Variants in PIGB observed in about 807,000 individuals in gnomAD.
PIGB encodes the protein phosphatidylinositol glycan anchor biosynthesis class B, also known as GPI alpha-1,2-mannosyltransferase 3.
Under a neutral mutation model 68.4 loss-of-function variants are expected in PIGB, and 58 were observed. The observed-to-expected ratio is 0.85, with a 90% CI of 0.69 to 1.06. PIGB has a LOEUF of 1.06. PIGB is among the 50% of genes least tolerant of loss of function. The pLI is 0.00. For missense variants in PIGB, 634 were observed against 655.8 expected (o/e 0.97, Z 0.36); for synonymous variants, 219 against 220.5 (o/e 0.99, Z 0.06).
chr15:55,339,787 C>T (rs956280158), intron 7 of PIGB, among the ~76,000 whole-genome samples: 2 of 152,124 alleles, frequency 1.3e-5, no homozygotes, highest in African/African-American at 4.8e-5. Flanking sequence ...ATCATATGTT[C>T]TTACTTATAA....
At chr15:55,320,800 G>A (rs980933905) in intron 2 of PIGB, among the ~76,000 whole-genome samples, 1 of 152,034 alleles carries the variant, frequency 6.6e-6, no homozygotes, top group Non-Finnish European at 1.5e-5. Flanking sequence ...GATAAGGGGG[G>A]ACTACTATAC....
At chr15:55,352,286 C>G (rs111913575) in intron 10 of PIGB, among the ~76,000 whole-genome samples, 4,573 of 152,206 alleles carry the variant, frequency 0.03, 74 homozygotes, top group Non-Finnish European at 0.035. Context: ...CATCAGTTGT[C>G]TCACCTGTAA....
At chr15:55,333,846 T>C (rs1326531453) in intron 5 of PIGB, 21 bp from the exon 6 acceptor site, 7 of 1,520,512 alleles carry the variant, frequency 4.6e-6, no homozygotes, top group Non-Finnish European at 6.2e-6. Context: ...ACTTGTCTTA[T>C]CACACATTTT....
intron 6 of PIGB, among the ~76,000 whole-genome samples, chr15:55,338,783 ATGT>A (rs1205531004): frequency 6.6e-6 from 1 of 152,214 alleles, no homozygotes; most frequent in East Asian, 1.9e-4. Context: ...AAACGGCCAT[ATGT>A]TGAGGAACTT....
intron 9 of PIGB, chr15:55,343,107 A>G (rs1227472714): frequency 6.6e-6 from 1 of 152,214 alleles, no homozygotes; most frequent in African/African-American, 2.4e-5. Context: ...GAGATGTATA[A>G]TCTCTTCAAT....
At chr15:55,334,489 C>G (rs1285332236) in intron 6 of PIGB, among the ~76,000 whole-genome samples, 3 of 152,082 alleles carry the variant, frequency 2.0e-5, no homozygotes, top group Non-Finnish European at 4.4e-5. Context: ...CATCTTCTAA[C>G]TACACTATGA....
chr15:55,345,546 G>A (rs8037405), intron 9 of PIGB, among the ~76,000 whole-genome samples: 26,667 of 152,142 alleles, frequency 0.18, 3,069 homozygotes, highest in Non-Finnish European at 0.26. Context: ...ATCACCTGAG[G>A]TCAGGAGTTC....
rs1231727230 is a variant in PIGB, at chr15:55,341,761, GGTTT to G, written c.1083_1086del (p.Tyr364GlnfsTer14). The G allele has an allele frequency of 1.4e-6, 2 of 1,458,722 alleles. No homozygotes were observed. The highest frequency in any genetic ancestry group is 2.8e-5 in the African/African-American group (2 of 70,634). The allele number at this position is 1,458,722 out of a possible 1,614,324, so 90.4% of individuals were successfully genotyped here. On this transcript the variant is annotated frameshift_variant, in exon 9 of 12. Transcript: ENST00000164305. LOFTEE classifies it high-confidence loss of function. ...AGCATGTTGAGCCACAAAGAATTCA[GGTTT>G]ATTTATCCAGTTTTACCATTCTGTA... is the stretch of plus-strand genomic sequence containing the variant.
chr15:55,345,629 C>T (rs550151802), intron 9 of PIGB, among the ~76,000 whole-genome samples: 111 of 152,120 alleles, frequency 7.3e-4, no homozygotes, highest in African/African-American at 2.5e-3. Context: ...TGTGGTGGCA[C>T]GCACCTGTAA....
chr15:55,344,485 A>G (rs1355390477), intron 9 of PIGB, among the ~76,000 whole-genome samples: 2 of 152,288 alleles, frequency 1.3e-5, no homozygotes, highest in Non-Finnish European at 2.9e-5. Flanking sequence ...TCACTGGGCC[A>G]GGCCAGATTC....
At chr15:55,327,195 T>G (rs964371857) in intron 3 of PIGB, among the ~76,000 whole-genome samples, 2 of 145,124 alleles carry the variant, frequency 1.4e-5, no homozygotes, top group Non-Finnish European at 3.0e-5. Context: ...AGAATGAGAC[T>G]GGTAAATATC....
chr15:55,336,189 C>G (rs948157242), intron 6 of PIGB, among the ~76,000 whole-genome samples: 4 of 152,074 alleles, frequency 2.6e-5, no homozygotes, highest in African/African-American at 9.7e-5. Flanking sequence ...CAAGAACAAC[C>G]TGAGCAACAT....
At chr15:55,344,868 CTT>C (rs2055753639) in intron 9 of PIGB, among the ~76,000 whole-genome samples, 1 of 143,336 alleles carries the variant, frequency 7.0e-6, no homozygotes, top group Non-Finnish European at 1.5e-5. Flanking sequence ...TACTGGGCCA[CTT>C]TGTTTTTCCA....
chr15:55,323,958 G>A (rs530608983), intron 3 of PIGB, among the ~76,000 whole-genome samples: 2 of 152,316 alleles, frequency 1.3e-5, no homozygotes, highest in African/African-American at 4.8e-5. Context: ...CACCATCTTG[G>A]CTGGCTGTAA....
intron 3 of PIGB, among the ~76,000 whole-genome samples, chr15:55,325,384 C>T (rs2055258248): frequency 6.6e-6 from 1 of 152,086 alleles, no homozygotes; most frequent in Non-Finnish European, 1.5e-5. Flanking sequence ...TTTAGAAACA[C>T]ATCTTTTAAA....
intron 1 of PIGB, 86 bp downstream of exon 1, chr15:55,319,499 A>G: frequency 2.0e-6 from 2 of 1,002,406 alleles, no homozygotes; most frequent in Non-Finnish European, 2.9e-6. Context: ...TTGCCCGTTG[A>G]GCTCTGTGTT....
At chr15:55,347,200 G>A (rs1335304783) in intron 9 of PIGB, among the ~76,000 whole-genome samples, 1 of 152,236 alleles carries the variant, frequency 6.6e-6, no homozygotes, top group Non-Finnish European at 1.5e-5. Context: ...TTGGGAGGCT[G>A]TGGCGGGCAG....
At chr15:55,348,874 T>G (rs576142012) in intron 9 of PIGB, among the ~76,000 whole-genome samples, 1 of 152,348 alleles carries the variant, frequency 6.6e-6, no homozygotes, top group Non-Finnish European at 1.5e-5. Flanking sequence ...CTAAGTTAAG[T>G]GCTTCAACTT....
chr15:55,353,998 T>TAAAAATAAAAAAAAAAAAC (rs112479438), intron 10 of PIGB, among the ~76,000 whole-genome samples: 2 of 112,034 alleles, frequency 1.8e-5, no homozygotes, highest in African/African-American at 8.5e-5. Flanking sequence ...TCATCTTAAA[T>TAAAAATAAAAAAAAAAAAC]AAAAAAAAAA....
Sources: gnomAD v4.1 joint callset for allele counts (sites outside exome capture counted in the v4.1 genomes callset) on GRCh38, gnomAD v4.1.1 for gene constraint, MANE v1.5 for transcripts, NCBI Gene and HGNC (gene_info 2026-07-23, HGNC 2026-07-21) for gene names.